The following RFPL1 variants were observed in gnomAD, a reference collection of about 807,000 sequenced individuals.
RFPL1 encodes ret finger protein-like 1.
In RFPL1, 6 loss-of-function variants were observed where a neutral mutation model predicts 9.6. The observed-to-expected ratio is 0.62, with a 90% CI of 0.34 to 1.23. The LOEUF (loss-of-function observed/expected upper bound fraction) is 1.23. Among genes scored for constraint, RFPL1 ranks in the 50% most tolerant of loss-of-function variants. RFPL1 has a pLI of 0.03. For missense variants in RFPL1, 352 were observed against 398.4 expected, an observed-to-expected ratio of 0.88 and a Z score of 0.99; for synonymous variants, 145 against 149.4, an observed-to-expected ratio of 0.97 and a Z score of 0.22.
chr22:29,411,421 G>A, the RFPL1 span, among the ~76,000 whole-genome samples: 11 of 152,260 alleles, frequency 7.2e-5, no homozygotes, highest in East Asian at 2.1e-3. Flanking sequence ...ATAGGTATTG[G>A]CATTTACCCT....
chr22:29,423,703 A>G, the RFPL1 span, among the ~76,000 whole-genome samples: 1 of 152,228 alleles, frequency 6.6e-6, no homozygotes, highest in Admixed American at 6.5e-5. Flanking sequence ...TACCCTATAC[A>G]GTCAAATGAG....
At chr22:29,413,565 T>G in the RFPL1 span, among the ~76,000 whole-genome samples, 5 of 152,256 alleles carry the variant, frequency 3.3e-5, no homozygotes, top group Non-Finnish European at 5.9e-5. Flanking sequence ...AACACCATTT[T>G]ATATTTGACA....
At chr22:29,391,449 GC>G in the RFPL1 span, among the ~76,000 whole-genome samples, 1 of 152,064 alleles carries the variant, frequency 6.6e-6, no homozygotes, top group African/African-American at 2.4e-5. Flanking sequence ...GTTGGTAAAT[GC>G]CACCCGCCTC....
chr22:29,410,392 AT>A, the RFPL1 span, among the ~76,000 whole-genome samples: 16 of 70,464 alleles, frequency 2.3e-4, 2 homozygotes, highest in African/African-American at 7.3e-4. Flanking sequence ...AGATATATAT[AT>A]TGTAGATATA....
chr22:29,413,560 C>G, the RFPL1 span, among the ~76,000 whole-genome samples: 1 of 152,114 alleles, frequency 6.6e-6, no homozygotes, highest in African/African-American at 2.4e-5. Context: ...AGCCAAACAC[C>G]ATTTTATATT....
the RFPL1 span, among the ~76,000 whole-genome samples, chr22:29,391,758 G>C: frequency 3.3e-5 from 5 of 152,204 alleles, no homozygotes; most frequent in Admixed American, 3.3e-4. Context: ...GCCGAGGCAG[G>C]AAAACCTCAC....
the RFPL1 span, among the ~76,000 whole-genome samples, chr22:29,427,254 G>A: frequency 1.3e-5 from 2 of 152,240 alleles, no homozygotes. Context: ...CACCTCACCT[G>A]CTGACAGGTA....
the RFPL1 span, among the ~76,000 whole-genome samples, chr22:29,410,797 C>T: frequency 0.28 from 42,354 of 150,704 alleles, 6,055 homozygotes; most frequent in Middle Eastern, 0.3. Flanking sequence ...GGATTACGGA[C>T]GCCTGCCACC....
Position 29,441,792 on chromosome 22 carries a change from T to G in RFPL1, c.624T>G (p.His208Gln), listed in dbSNP as rs762825785. 4.3e-6 allele frequency: 7 copies of G among 1,613,948 alleles called. No individual in the cohort carries two copies. Among genetic ancestry groups the G allele is most frequent in the East Asian group, 4.5e-5 (2 of 44,876 alleles). Residue 208 changes from histidine to glutamine, a missense_variant, in exon 2 of 2, where the codon CAT becomes CAG. His to Gln is a conservative substitution (Grantham distance 24, BLOSUM62 0). Transcript: ENST00000354373. ...CTGTTCACCGCAAAGGGAGGATCCA[T>G]CTGACCACAGAGCGTGGATTCTGGA...
chr22:29,410,200 C>T, the RFPL1 span, among the ~76,000 whole-genome samples: 1 of 140,352 alleles, frequency 7.1e-6, no homozygotes, highest in South Asian at 2.2e-4. Context: ...GCGAAGATTA[C>T]CTCTGTAAGT....
chr22:29,420,830 G>A, the RFPL1 span, among the ~76,000 whole-genome samples: 6 of 151,652 alleles, frequency 4.0e-5, no homozygotes, highest in South Asian at 2.1e-4. Flanking sequence ...TAGTAGAGAC[G>A]GGGTTTCACC....
the RFPL1 span, among the ~76,000 whole-genome samples, chr22:29,399,763 A>G: frequency 1.1e-3 from 175 of 152,326 alleles, no homozygotes; most frequent in African/African-American, 3.9e-3. Flanking sequence ...GTTTGTAAAC[A>G]TTCAGACTTT....
At chr22:29,414,118 G>T in the RFPL1 span, among the ~76,000 whole-genome samples, 14 of 151,442 alleles carry the variant, frequency 9.2e-5, no homozygotes, top group Non-Finnish European at 1.9e-4. Flanking sequence ...ACAATTCTTC[G>T]ACATGCCTCA....
At chr22:29,441,727 G>A in exon 2 of RFPL1, 1 of 1,613,914 alleles carries the variant, frequency 6.2e-7, no homozygotes, top group Non-Finnish European at 8.5e-7. Context: ...GGTGGACGTG[G>A]GAACAAGCAC....
chr22:29,419,991 A>C, the RFPL1 span, among the ~76,000 whole-genome samples: 2 of 152,154 alleles, frequency 1.3e-5, no homozygotes, highest in African/African-American at 4.8e-5. Context: ...CCCTCACTCA[A>C]CAAAAGACCC....
At chr22:29,433,242 G>C in the RFPL1 span, 1 of 149,100 alleles carries the variant, frequency 6.7e-6, no homozygotes, top group Non-Finnish European at 1.5e-5. Context: ...AGTGAGCCAA[G>C]ATGGCACCAC....
the RFPL1 span, chr22:29,388,671 G>C: frequency 1.3e-5 from 2 of 152,382 alleles, no homozygotes; most frequent in African/African-American, 4.8e-5. Flanking sequence ...AAGAAAAGGG[G>C]AAGAGCCCAA....
chr22:29,393,120 A>G, the RFPL1 span, among the ~76,000 whole-genome samples: 1 of 152,210 alleles, frequency 6.6e-6, no homozygotes, highest in African/African-American at 2.4e-5. Flanking sequence ...TGGGAAAGTC[A>G]GGGAAGTCTT....
At chr22:29,414,931 G>A in the RFPL1 span, among the ~76,000 whole-genome samples, 2 of 151,948 alleles carry the variant, frequency 1.3e-5, no homozygotes, top group African/African-American at 2.4e-5. Context: ...TGCCGCTACA[G>A]ACTGAATGCA....
Sources: gnomAD v4.1 joint callset for allele counts (sites outside exome capture counted in the v4.1 genomes callset) on GRCh38, gnomAD v4.1.1 for gene constraint, MANE v1.5 for transcripts, NCBI Gene and HGNC (gene_info 2026-07-23, HGNC 2026-07-21) for gene names.